KIAA2012: variants seen among roughly 807,000 people sequenced by gnomAD.
KIAA2012 encodes uncharacterized protein KIAA2012.
In KIAA2012, 125 loss-of-function variants were observed where a neutral mutation model predicts 150.6. The observed-to-expected ratio is 0.83, with a 90% CI of 0.72 to 0.96. The LOEUF (loss-of-function observed/expected upper bound fraction) is 0.96, where lower values mean the gene tolerates loss of function less well. Ranked by LOEUF, KIAA2012 falls within the 40% of genes least tolerant of loss-of-function variation. The pLI is 0.00. For synonymous variants in KIAA2012, 462 were observed against 504.7 expected (o/e 0.92, Z 1.13); for missense variants, 1,219 against 1,354.9 (o/e 0.90, Z 1.57).
chr2:202,193,207 T>C, intron 19 of KIAA2012, 94 bp from the exon 20 acceptor site: 1 of 1,251,616 alleles, frequency 8.0e-7, no homozygotes, highest in East Asian at 2.5e-5. Context: ...TGATTCCATC[T>C]TTGATTAGAG....
chr2:202,126,969 A>G (rs767999243), intron 12 of KIAA2012, among the ~76,000 whole-genome samples: 5 of 152,150 alleles, frequency 3.3e-5, no homozygotes, highest in Non-Finnish European at 7.3e-5. Flanking sequence ...TGACTTAGTA[A>G]TGACATATGC....
intron 15 of KIAA2012, among the ~76,000 whole-genome samples, chr2:202,165,701 A>G (rs1198926390): frequency 6.6e-6 from 1 of 152,210 alleles, no homozygotes; most frequent in Non-Finnish European, 1.5e-5. Flanking sequence ...AGCCTGGGCA[A>G]CAACAGCGAA....
intron 13 of KIAA2012, among the ~76,000 whole-genome samples, chr2:202,139,423 A>AT (rs1262068440): frequency 6.6e-6 from 1 of 152,118 alleles, no homozygotes; most frequent in African/African-American, 2.4e-5. Context: ...GAGGCAGCAC[A>AT]TGCAGCTCCA....
intron 19 of KIAA2012, 55 bp downstream of exon 19, chr2:202,190,548 A>T: frequency 7.4e-7 from 1 of 1,343,858 alleles, no homozygotes; most frequent in South Asian, 1.5e-5. Flanking sequence ...ACTTGGCGCG[A>T]CTGCAAAGAT....
At chr2:202,202,645 G>A (rs557502678) in intron 23 of KIAA2012, 58 bp downstream of exon 23, 5 of 397,416 alleles carry the variant, frequency 1.3e-5, no homozygotes, top group Non-Finnish European at 2.2e-5. Flanking sequence ...AAAGTTCTAG[G>A]GGCCAGGCAC....
chr2:202,099,474 T>C (rs867720887), intron 5 of KIAA2012, 139 bp from the exon 6 acceptor site: 1 of 620,198 alleles, frequency 1.6e-6, no homozygotes, highest in African/African-American at 1.8e-5. Flanking sequence ...CTTGCTGTTA[T>C]AACCTTATTT....
Position 202,074,963 on chromosome 2 carries a change from C to T in KIAA2012, c.157C>T (p.Gln53Ter). ...ACCTCAAGATAAGAACAATGCCAGTCAGCACTCCTGGAGCCTCTTTCTCCC... is the reference window on the plus strand; with the variant it reads ...ACCTCAAGATAAGAACAATGCCAGTTAGCACTCCTGGAGCCTCTTTCTCCC... ...SKPQDKNNAS[Q>*]HSWSLFLPKT... The change falls in exon 2 of 24, where the codon CAG (glutamine) becomes TAG (stop). Residue 53 changes from glutamine to a stop codon, truncating the protein, a stop_gained. Coordinates refer to ENST00000498697, the MANE Select transcript of KIAA2012 (RefSeq NM_001277372.4). LOFTEE classifies it high-confidence loss of function. 1 of 1,550,994 alleles carries T rather than the reference C, an allele frequency of 6.4e-7. No homozygotes were observed.
At position 202,138,477 on chromosome 2, in the gene KIAA2012, C is replaced by A. The variant is rs1392232329; in HGVS notation, c.1877C>A (p.Thr626Asn). The change falls in exon 13 of 24, where the codon ACC (threonine) becomes AAC (asparagine). Residue 626 changes from threonine to asparagine, a missense_variant. Coordinates refer to ENST00000498697, the MANE Select transcript of KIAA2012 (RefSeq NM_001277372.4). ...AATCTTCACATGAACCTTTATGAAA[C>A]CTCACCGTTGACCCAAACAACAGAG... is the stretch of plus-strand genomic sequence containing the variant. ...RANLHMNLYE[T>N]SPLTQTTEKQ... 6.4e-7 allele frequency: 1 copy of A among 1,550,496 alleles called. No homozygotes were observed. Among genetic ancestry groups the A allele is most frequent in the Non-Finnish European group, 8.7e-7 (1 of 1,146,902 alleles).
chr2:202,092,189 T>C (rs1260658260), intron 3 of KIAA2012, among the ~76,000 whole-genome samples: 1 of 152,182 alleles, frequency 6.6e-6, no homozygotes, highest in East Asian at 1.9e-4. Flanking sequence ...CACACATGCA[T>C]TCTTGAGCTC....
At chr2:202,190,037 A>G in intron 18 of KIAA2012, 137 bp from the exon 19 acceptor site, 1 of 661,140 alleles carries the variant, frequency 1.5e-6, no homozygotes, top group Non-Finnish European at 2.4e-6. Flanking sequence ...GCAGTGAGCC[A>G]TGATCGTGCC....
intron 11 of KIAA2012, among the ~76,000 whole-genome samples, chr2:202,124,595 T>C (rs1160459332): frequency 2.0e-5 from 3 of 152,252 alleles, no homozygotes; most frequent in African/African-American, 7.2e-5. Context: ...TTGCAGCATG[T>C]GTCAAACGTT....
chr2:202,119,330 A>T (rs1314909546), intron 11 of KIAA2012, among the ~76,000 whole-genome samples: 1 of 152,142 alleles, frequency 6.6e-6, no homozygotes. Flanking sequence ...CATTTTTTGA[A>T]GAAAAAATCA....
At chr2:202,177,115 A>G (rs1364107510) in intron 15 of KIAA2012, among the ~76,000 whole-genome samples, 1 of 152,222 alleles carries the variant, frequency 6.6e-6, no homozygotes, top group Non-Finnish European at 1.5e-5. Flanking sequence ...AGCTGAAAAT[A>G]AAATTACATG....
rs1689770627 is a variant in KIAA2012 at position 202,093,111 on chromosome 2, G to T, written c.611G>T (p.Gly204Val). Residue 204 changes from glycine (G) to valine (V), a missense_variant, in exon 4 of 24, where the codon GGT (glycine) becomes GTT (valine). Gly to Val is a moderately radical substitution (Grantham distance 109, BLOSUM62 -3). Coordinates refer to ENST00000498697, the MANE Select transcript of KIAA2012 (RefSeq NM_001277372.4). ...CTCAGGCCACAACAAGATCTTTCAG[G>T]TGTACCCCCAAAATACCATCTCCTG... ...KKLRPQQDLS[G>V]VPPKYHLLPV... 3 of 1,550,988 alleles carry T rather than the reference G, an allele frequency of 1.9e-6. No homozygotes were observed. Among genetic ancestry groups the T allele is most frequent in the Non-Finnish European group, 2.6e-6 (3 of 1,147,048 alleles).
At chr2:202,187,270 G>T (rs1692247740) in intron 17 of KIAA2012, among the ~76,000 whole-genome samples, 172 bp downstream of exon 17, 1 of 152,076 alleles carries the variant, frequency 6.6e-6, no homozygotes, top group Non-Finnish European at 1.5e-5. Flanking sequence ...CAGCCACATT[G>T]GGCTGCATCC....
intron 4 of KIAA2012, among the ~76,000 whole-genome samples, chr2:202,094,447 C>A (rs1208767710): frequency 1.3e-5 from 2 of 152,130 alleles, no homozygotes; most frequent in Non-Finnish European, 2.9e-5. Context: ...AACATTTCAA[C>A]CAACCACACA....
chr2:202,102,940 C>T lies in KIAA2012; in HGVS notation c.1156-6C>T, dbSNP rs1261684586. On this transcript the variant is annotated splice_region_variant and splice_polypyrimidine_tract_variant and intron_variant, in intron 7 of 23. Coordinates refer to ENST00000498697, the MANE Select transcript of KIAA2012 (RefSeq NM_001277372.4). ...CATGATCGTTTTGTTTTTAAATTTTCTCCAGGCACCAAAGGCTTTGAAATT... is the reference window on the plus strand; with the variant it reads ...CATGATCGTTTTGTTTTTAAATTTTTTCCAGGCACCAAAGGCTTTGAAATT... 1.3e-6 allele frequency: 2 copies of T among 1,547,598 alleles called. No homozygotes were observed. Among genetic ancestry groups the T allele is most frequent in the Non-Finnish European group, 1.7e-6 (2 of 1,146,104 alleles).
rs1379980147 is a variant in KIAA2012, at chr2:202,076,313, AATGACTTGGTC to A, written c.369+1142_369+1152del. ...AGTACCCACAAATGTTTGTGGAATT[AATGACTTGGTC>A]ATGCATGATATTTTCAATGTTTCTT... is the stretch of plus-strand genomic sequence containing the variant. On this transcript the variant is annotated intron_variant, in intron 2 of 23. Transcript: ENST00000498697. 1.1e-4 allele frequency among the ~76,000 whole-genome samples: 16 copies of A among 152,276 alleles called. No homozygotes were observed. In the East Asian group the frequency reaches 3.1e-3, roughly 29 times the overall value.
intron 23 of KIAA2012, among the ~76,000 whole-genome samples, chr2:202,202,823 A>T (rs1692555764): frequency 6.6e-6 from 1 of 151,936 alleles, no homozygotes; most frequent in South Asian, 2.1e-4. Context: ...CCAGCTACTC[A>T]GGAGGCTGAA....
Sources: gnomAD v4.1 joint callset for allele counts (sites outside exome capture counted in the v4.1 genomes callset) on GRCh38, gnomAD v4.1.1 for gene constraint, MANE v1.5 for transcripts, NCBI Gene and HGNC (gene_info 2026-07-23, HGNC 2026-07-21) for gene names.